KIAA1217: variants seen among roughly 807,000 people sequenced by gnomAD.
KIAA1217 encodes sickle tail protein homolog.
In KIAA1217, 88 loss-of-function variants were observed where a neutral mutation model predicts 163.9. The observed-to-expected ratio is 0.54, with a 90% CI of 0.45 to 0.64. The LOEUF is 0.64. KIAA1217 is among the 30% of genes least tolerant of loss of function. KIAA1217 has a pLI of 0.00. For missense variants in KIAA1217, 2,372 were observed against 2,475.0 expected, an observed-to-expected ratio of 0.96 and a Z score of 0.88; for synonymous variants, 903 against 923.1, an observed-to-expected ratio of 0.98 and a Z score of 0.39.
At chr10:24,277,532 G>C (rs1335362095) in intron 2 of KIAA1217, among the ~76,000 whole-genome samples, 1 of 152,238 alleles carries the variant, frequency 6.6e-6, no homozygotes, top group Non-Finnish European at 1.5e-5. Flanking sequence ...CATGTTGTGG[G>C]AGGAACCTGG....
intron 2 of KIAA1217, among the ~76,000 whole-genome samples, chr10:24,280,237 A>T (rs1400629647): frequency 6.6e-6 from 1 of 152,168 alleles, no homozygotes; most frequent in African/African-American, 2.4e-5. Context: ...TCTAAATTGG[A>T]TGAAGACCTT....
chr10:24,273,035 C>T (rs537499797), intron 2 of KIAA1217, among the ~76,000 whole-genome samples: 31 of 152,134 alleles, frequency 2.0e-4, no homozygotes, highest in African/African-American at 7.5e-4. Flanking sequence ...TGGACAGAAG[C>T]CTTTAAGAAG....
At chr10:24,314,358 G>A (rs781301172) in intron 2 of KIAA1217, among the ~76,000 whole-genome samples, 4 of 152,114 alleles carry the variant, frequency 2.6e-5, no homozygotes, top group Admixed American at 6.5e-5. Flanking sequence ...GGCAGAGAAG[G>A]ACCATTTCTC....
At chr10:24,330,720 A>G (rs1421540042) in intron 2 of KIAA1217, among the ~76,000 whole-genome samples, 3 of 152,062 alleles carry the variant, frequency 2.0e-5, no homozygotes, top group Non-Finnish European at 4.4e-5. Flanking sequence ...AGCTCAAGCA[A>G]TCCTCCCACC....
intron 2 of KIAA1217, among the ~76,000 whole-genome samples, chr10:24,096,751 C>T (rs2062178926): frequency 2.0e-5 from 3 of 152,188 alleles, no homozygotes; most frequent in Admixed American, 2.0e-4. Flanking sequence ...AATGCCACTT[C>T]TGCCTCCCGT....
intron 1 of KIAA1217, among the ~76,000 whole-genome samples, chr10:23,838,235 C>T (rs1838589040): frequency 6.6e-6 from 1 of 152,110 alleles, no homozygotes; most frequent in Non-Finnish European, 1.5e-5. Context: ...AGTGTAGTTA[C>T]AGGATTAAAA....
At chr10:23,710,554 C>G (rs928616611) in intron 1 of KIAA1217, among the ~76,000 whole-genome samples, 14 of 152,184 alleles carry the variant, frequency 9.2e-5, no homozygotes, top group Admixed American at 3.3e-4. Flanking sequence ...TATTGATAAG[C>G]AATTTACAAA....
intron 1 of KIAA1217, among the ~76,000 whole-genome samples, chr10:24,213,552 T>G (rs567096404): frequency 4.1e-5 from 5 of 122,148 alleles, no homozygotes; most frequent in Non-Finnish European, 8.6e-5. Flanking sequence ...ATTTAGAGTC[T>G]ATATGATTTG....
chr10:24,345,962 C>T (rs1339616402), intron 2 of KIAA1217, among the ~76,000 whole-genome samples: 3 of 152,160 alleles, frequency 2.0e-5, no homozygotes, highest in Non-Finnish European at 4.4e-5. Context: ...AACAGCTCTC[C>T]ATCCCCGCCA....
chr10:24,080,631 C>T (rs540433225), intron 2 of KIAA1217, among the ~76,000 whole-genome samples: 20 of 152,296 alleles, frequency 1.3e-4, no homozygotes, highest in African/African-American at 4.8e-4. Flanking sequence ...CATTTTAATT[C>T]CTTCCAACTT....
intron 2 of KIAA1217, among the ~76,000 whole-genome samples, chr10:24,331,759 A>G (rs967475075): frequency 6.6e-6 from 1 of 152,224 alleles, no homozygotes; most frequent in African/African-American, 2.4e-5. Context: ...AAAGAACAGG[A>G]CAGGGAAATG....
At chr10:23,913,302 AGCCGATGAAGTACATGAGTTTATATTG>A (rs1309049090) in intron 1 of KIAA1217, among the ~76,000 whole-genome samples, 61 of 152,186 alleles carry the variant, frequency 4.0e-4, no homozygotes, top group African/African-American at 1.3e-3. Context: ...GAGCACAGAC[AGCCGATGAAGTACATGAGTTTATATTG>A]GCAATAAAGG....
chr10:24,119,136 T>TA (rs931121134), intron 2 of KIAA1217, among the ~76,000 whole-genome samples: 24 of 152,332 alleles, frequency 1.6e-4, no homozygotes, highest in African/African-American at 5.8e-4. Flanking sequence ...ATATTTATAG[T>TA]AATGTTTATG....
At position 23,925,520 on chromosome 10, in the gene KIAA1217, G is replaced by A. The variant is rs575519963; in HGVS notation, c.-320-81705G>A. Reference sequence around the variant, plus strand: ...GACTGTCGCTGGACTTTTCCAACTCGTTTAATACATTTCCAAGCTTTTGAA... The same window carrying A: ...GACTGTCGCTGGACTTTTCCAACTCATTTAATACATTTCCAAGCTTTTGAA... On this transcript the variant is annotated intron_variant, in intron 1 of 18. Transcript: ENST00000376462. Among the ~76,000 whole-genome samples the A allele has an allele frequency of 1.2e-4, 18 of 152,256 alleles. No individual in the cohort carries two copies. The South Asian group carries it at 3.3e-3, about 28-fold the overall frequency.
chr10:23,785,785 T>G (rs1369179600), intron 1 of KIAA1217, among the ~76,000 whole-genome samples: 3 of 151,986 alleles, frequency 2.0e-5, no homozygotes, highest in African/African-American at 4.8e-5. Flanking sequence ...TATGTAGTAA[T>G]TTGTTGAATA....
At chr10:23,874,144 A>T (rs1840581567) in intron 1 of KIAA1217, among the ~76,000 whole-genome samples, 1 of 151,944 alleles carries the variant, frequency 6.6e-6, no homozygotes, top group Non-Finnish European at 1.5e-5. Context: ...TTATCCTGAC[A>T]TTCACCCCTC....
intron 2 of KIAA1217, among the ~76,000 whole-genome samples, chr10:24,363,380 A>G (rs892576050): frequency 6.6e-6 from 1 of 152,186 alleles, no homozygotes; most frequent in Non-Finnish European, 1.5e-5. Flanking sequence ...TTAGTACAAC[A>G]ACAATGTCTG....
chr10:24,218,963 A>C (rs1009010193), intron 1 of KIAA1217, among the ~76,000 whole-genome samples: 5 of 152,176 alleles, frequency 3.3e-5, no homozygotes, highest in Admixed American at 6.5e-5. Flanking sequence ...CTTATATAAG[A>C]ATCCTGTTAC....
rs527267649 is a variant in KIAA1217, at chr10:24,038,924, C to T, written c.-171+31550C>T. Among the ~76,000 whole-genome samples, 211 of 151,754 alleles carry T rather than the reference C, an allele frequency of 1.4e-3. 1 individual carries two copies. The highest frequency in any genetic ancestry group is 0.014 in the Middle Eastern group (4 of 294). On this transcript the variant is annotated intron_variant, in intron 2 of 18. Coordinates refer to the KIAA1217 transcript ENST00000376462. ...ATGCCCGGCTAAGTTTTGTATTTTT[C>T]GTAGAAACAAGGTTTCACCATGTTG...
Sources: allele counts gnomAD v4.1 joint callset (sites outside exome capture counted in the v4.1 genomes callset), GRCh38; gene constraint gnomAD v4.1.1; transcripts MANE v1.5; gene names NCBI Gene and HGNC (gene_info 2026-07-23, HGNC 2026-07-21).